CEP85: variants seen among roughly 807,000 people sequenced by gnomAD.
CEP85 encodes the protein centrosomal protein 85.
A neutral mutation model predicts 93.7 loss-of-function variants in CEP85; 58 were observed. The observed-to-expected ratio is 0.62, with a 90% CI of 0.50 to 0.77. The LOEUF is 0.77. CEP85 is among the 30% of genes least tolerant of loss of function. The pLI is 0.00. For missense variants in CEP85, 868 were observed against 922.0 expected (o/e 0.94, Z 0.76); for synonymous variants, 314 against 338.6 (o/e 0.93, Z 0.80).
chr1:26,272,278 A>G (rs2089986160), intron 11 of CEP85: 1 of 583,646 alleles, frequency 1.7e-6, no homozygotes, highest in Non-Finnish European at 3.1e-6. Flanking sequence ...AGCAGTCCCC[A>G]CAGTATCCTG....
chr1:26,259,540 A>C (rs2089773287), intron 6 of CEP85, 77 bp from the exon 7 acceptor site: 5 of 1,304,478 alleles, frequency 3.8e-6, no homozygotes, highest in Admixed American at 2.4e-5. Flanking sequence ...TTTGACCGTG[A>C]AGTATGCTGG....
intron 11 of CEP85, chr1:26,272,302 G>C: frequency 1.3e-5 from 7 of 524,706 alleles, no homozygotes; most frequent in Non-Finnish European, 2.1e-5. Flanking sequence ...GAGTGCAGGA[G>C]AGTCAGTGGG....
chr1:26,258,055 C>T, intron 5 of CEP85, 88 bp from the exon 6 acceptor site: 1 of 852,570 alleles, frequency 1.2e-6, no homozygotes, highest in South Asian at 1.5e-5. Context: ...TAAGATCTTG[C>T]TTACGTAATA....
chr1:26,239,195 T>A (rs2124555605), intron 1 of CEP85, among the ~76,000 whole-genome samples: 1 of 152,306 alleles, frequency 6.6e-6, no homozygotes, highest in South Asian at 2.1e-4. Context: ...GTATTGGTAA[T>A]CTCTGGTTCT....
chr1:26,269,612 T>A lies in CEP85; in HGVS notation c.1647T>A (p.His549Gln). The A allele has an allele frequency of 6.2e-7, 1 of 1,612,712 alleles. No homozygotes were observed. The highest frequency in any genetic ancestry group is 8.5e-7 in the Non-Finnish European group (1 of 1,179,180). ...AAGCAGAATTCTCCTCCGCTGGACA[T>A]AGGTAAATAACCCTGTGGGACTGAG... ...QREAEFSSAGHSLQDKQSVEE... is the reference protein window; with the variant it reads ...QREAEFSSAGQSLQDKQSVEE... Residue 549 changes from histidine (H) to glutamine (Q), a missense_variant and splice_region_variant, in exon 9 of 14, where the codon CAT becomes CAA. His to Gln is a conservative substitution (Grantham distance 24). Transcript: ENST00000451429.
intron 7 of CEP85, among the ~76,000 whole-genome samples, chr1:26,264,773 A>G (rs2089867430): frequency 6.6e-6 from 1 of 152,036 alleles, no homozygotes; most frequent in African/African-American, 2.4e-5. Context: ...GATGTTGAGG[A>G]GATTGGGCTT....
At chr1:26,243,824 C>T (rs984442807) in intron 2 of CEP85, among the ~76,000 whole-genome samples, 1 of 151,666 alleles carries the variant, frequency 6.6e-6, no homozygotes, top group African/African-American at 2.4e-5. Flanking sequence ...ATGGTGAAAC[C>T]GCGTCTCTAC....
chr1:26,244,306 G>C lies in CEP85; in HGVS notation c.196G>C (p.Asp66His). 6.2e-7 allele frequency: 1 copy of C among 1,613,592 alleles called. No homozygotes were observed. Among genetic ancestry groups the C allele is most frequent in the Non-Finnish European group, 8.5e-7 (1 of 1,179,744 alleles). The change falls in exon 3 of 14, where the codon GAT (aspartate) becomes CAT (histidine). Residue 66 changes from aspartate (D) to histidine (H), a missense_variant. Transcript: ENST00000451429. ...CACAGCCATTGGTACATCATGCTCA[G>C]ATATTGCGGAGGGTAAGTTTGTATT... The part of the protein sequence containing the change: ...GDTAIGTSCS[D>H]IAEDFCSSSG...
intron 3 of CEP85, among the ~76,000 whole-genome samples, chr1:26,250,092 G>C (rs2089580023): frequency 6.6e-6 from 1 of 152,222 alleles, no homozygotes; most frequent in Admixed American, 6.6e-5. Context: ...GAAGATAGAG[G>C]TCCCTTTGAA....
rs1182595184 is a variant in CEP85, at chr1:26,278,798, T to C, written c.*1505T>C. 1 of 152,356 alleles carries C rather than the reference T, an allele frequency of 6.6e-6. No individual in the cohort carries two copies. The highest frequency in any genetic ancestry group is 1.9e-4 in the East Asian group (1 of 5,198). 9.4% of individuals were successfully genotyped at this position (152,356 alleles called of 1,614,324 possible). A position where few individuals can be genotyped will look rare whatever the true frequency, so the allele number is the denominator to read the frequency against. ...CGTATTTTGATTATAAAATAAAGTA[T>C]CTTAACAGACTCCTCAGTTTTCCAT... is the stretch of plus-strand genomic sequence containing the variant. On this transcript the variant is annotated 3_prime_UTR_variant, in exon 14 of 14. Coordinates refer to ENST00000451429, the MANE Select transcript of CEP85 (RefSeq NM_001319944.2).
In CEP85 at chr1:26,262,477, G is replaced by A. The variant is rs1213125356; in HGVS notation, c.1341+2675G>A. Among the ~76,000 whole-genome samples, 15 of 150,800 alleles carry A rather than the reference G, an allele frequency of 9.9e-5. No individual in the cohort carries two copies. The Admixed American group carries it at 9.9e-4, about 10-fold the overall frequency. On this transcript the variant is annotated intron_variant, in intron 7 of 13. Coordinates refer to ENST00000451429, the MANE Select transcript of CEP85 (RefSeq NM_001319944.2). ...TGGGCAACAGAGTGAGTGAGAGTCT[G>A]TCTCAAAAAAAACAAAACAAAACAA...
At chr1:26,273,386 A>G (rs1014121459) in intron 11 of CEP85, among the ~76,000 whole-genome samples, 2 of 152,204 alleles carry the variant, frequency 1.3e-5, no homozygotes, top group Non-Finnish European at 2.9e-5. Flanking sequence ...GGATTGGGCT[A>G]CGTCTATCTG....
chr1:26,276,833 C>A (rs934936022), intron 13 of CEP85, 73 bp downstream of exon 13: 1 of 1,201,774 alleles, frequency 8.3e-7, no homozygotes. Flanking sequence ...TCCTGCTTTC[C>A]CATATTCTTG....
At position 26,255,429 on chromosome 1, in the gene CEP85, G is replaced by A. The variant is rs1457213015; in HGVS notation, c.467G>A (p.Gly156Glu). Residue 156 changes from glycine (G) to glutamate (E), a missense_variant, in exon 4 of 14, where the codon GGA (glycine) becomes GAA (glutamate). Transcript: ENST00000451429. ...CTCATGTATTTCTCTGGTGCTACTG[G>A]AGAAAATGGAATTGAGCAGTCCTGG... Reference protein sequence around the residue: ...RDLMYFSGATGENGIEQSWFP... With the variant: ...RDLMYFSGATEENGIEQSWFP... 1 of 1,614,164 alleles carries A rather than the reference G, an allele frequency of 6.2e-7. No homozygotes were observed. The highest frequency in any genetic ancestry group is 1.1e-5 in the South Asian group (1 of 91,076).
intron 2 of CEP85, among the ~76,000 whole-genome samples, chr1:26,242,105 C>T (rs984942181): frequency 1.3e-5 from 2 of 152,038 alleles, no homozygotes; most frequent in African/African-American, 4.8e-5. Flanking sequence ...GTGTAAACCT[C>T]TATAAATATA....
intron 3 of CEP85, among the ~76,000 whole-genome samples, chr1:26,251,256 T>TG (rs1557653983): frequency 1.4e-5 from 2 of 138,884 alleles, no homozygotes; most frequent in Admixed American, 7.3e-5. Context: ...GCTTGGTTTT[T>TG]TTTTTTTTTT....
intron 7 of CEP85, chr1:26,263,164 T>G (rs1570021554): frequency 8.2e-6 from 2 of 244,198 alleles, no homozygotes; most frequent in African/African-American, 4.6e-5. Flanking sequence ...TCTAGACAAG[T>G]GCTCCATCAT....
intron 1 of CEP85, among the ~76,000 whole-genome samples, chr1:26,236,077 CTT>C (rs1431582588): frequency 6.6e-6 from 1 of 152,180 alleles, no homozygotes; most frequent in Non-Finnish European, 1.5e-5. Flanking sequence ...TGCTTGATCT[CTT>C]TTTTTGTGTT....
In CEP85 at chr1:26,255,047, AC is replaced by A; in HGVS notation, c.209-123del. The A allele has an allele frequency of 6.5e-6, 5 of 768,834 alleles. No individual in the cohort carries two copies. In the Middle Eastern group the frequency reaches 8.9e-4, roughly 136 times the overall value. 47.6% of individuals were successfully genotyped at this position (768,834 alleles called of 1,614,324 possible). ...TGGTTGCCGTTTCTTTCTGCCTGAT[AC>A]TTTTGATGATGGTGCTCTCTCTGCT... On this transcript the variant is annotated intron_variant, in intron 3 of 13. Coordinates refer to ENST00000451429, the MANE Select transcript of CEP85 (RefSeq NM_001319944.2).
Sources: gnomAD v4.1 joint callset for allele counts (sites outside exome capture counted in the v4.1 genomes callset) on GRCh38, gnomAD v4.1.1 for gene constraint, MANE v1.5 for transcripts, NCBI Gene and HGNC (gene_info 2026-07-23, HGNC 2026-07-21) for gene names.